The following MIX23 variants were observed in gnomAD, a reference collection of about 807,000 sequenced individuals.
MIX23 encodes the protein protein MIX23.
In MIX23, 13 loss-of-function variants were observed where a neutral mutation model predicts 21.6. The observed-to-expected ratio is 0.60, with a 90% confidence interval of 0.39 to 0.96. The LOEUF (loss-of-function observed/expected upper bound fraction) is 0.96, where lower values mean the gene tolerates loss of function less well. MIX23 is among the 40% of genes least tolerant of loss of function. MIX23 has a pLI of 0.00. For missense variants in MIX23, 144 were observed against 171.2 expected (o/e 0.84, Z 0.89); for synonymous variants, 59 against 58.0 (o/e 1.02, Z -0.08).
intron 4 of MIX23, among the ~76,000 whole-genome samples, chr3:122,361,596 G>A (rs2075359350): frequency 6.6e-6 from 1 of 151,996 alleles, no homozygotes; most frequent in Admixed American, 6.5e-5. Context: ...ATTCAAAATA[G>A]TTCACTCTTC....
chr3:122,376,118 G>A (rs368712934), intron 1 of MIX23, among the ~76,000 whole-genome samples: 16 of 138,812 alleles, frequency 1.2e-4, no homozygotes, highest in East Asian at 2.3e-4. Flanking sequence ...AGCCGAGATC[G>A]TGCCACTGCA....
rs1406195716 is a variant in MIX23 at position 122,359,903 on chromosome 3, C to G, written c.401G>C (p.Cys134Ser). The G allele has an allele frequency of 5.8e-6, 9 of 1,554,790 alleles. No homozygotes were observed. Among genetic ancestry groups the G allele is most frequent in the Non-Finnish European group, 6.1e-6 (7 of 1,156,124 alleles). ...CTTTGGAGGCTTGAAGTGAATTCGG[C>G]AGCGTTCATTAAACACCTAAAATAT... ...DRSWKVFNER[C>S]RIHFKPPKNE The change falls in exon 5 of 5, where the codon TGC (cysteine) becomes TCC (serine). Residue 134 changes from cysteine (C) to serine (S), a missense_variant. By Grantham distance (112) the Cys-to-Ser change is moderately radical. Coordinates refer to ENST00000291458, the MANE Select transcript of MIX23 (RefSeq NM_001017928.4).
chr3:122,370,123 A>G (rs956701031), intron 2 of MIX23, among the ~76,000 whole-genome samples: 1 of 152,094 alleles, frequency 6.6e-6, no homozygotes, highest in Non-Finnish European at 1.5e-5. Flanking sequence ...TCTATGAACT[A>G]GGTACCATTA....
At chr3:122,373,657 T>C (rs73186098) in intron 1 of MIX23, among the ~76,000 whole-genome samples, 1,595 of 152,324 alleles carry the variant, frequency 0.01, 16 homozygotes, top group Non-Finnish European at 0.016. Flanking sequence ...TTAACAAACA[T>C]TTAGGTTGTT....
chr3:122,362,817 CA>C, intron 4 of MIX23, 150 bp downstream of exon 4: 1 of 287,168 alleles, frequency 3.5e-6, no homozygotes, highest in Admixed American at 4.1e-5. Context: ...CCCCCAACCC[CA>C]AAAGGTTACA....
At chr3:122,379,736 G>A (rs78636482) in intron 1 of MIX23, among the ~76,000 whole-genome samples, 78 of 152,324 alleles carry the variant, frequency 5.1e-4, no homozygotes, top group Admixed American at 2.7e-3. Flanking sequence ...TCTGAAGGCT[G>A]CATCTTGTGT....
At position 122,362,985 on chromosome 3, in the gene MIX23, T is replaced by C; in HGVS notation, c.367A>G (p.Asn123Asp). Residue 123 changes from asparagine to aspartate, a missense_variant, in exon 4 of 5, where the codon AAT (asparagine) becomes GAT (aspartate). By Grantham distance (23) the Asn-to-Asp change is conservative. Transcript: ENST00000291458. ...TTTTATACCTTCCAGCTCCTGTCAT[T>C]TACCACTTCTTCAACATTCAGTTCT... The part of the protein sequence containing the change: ...QSELNVEEVV[N>D]DRSWKVFNER... 2 of 1,613,562 alleles carry C rather than the reference T, an allele frequency of 1.2e-6. No individual in the cohort carries two copies. Among genetic ancestry groups the C allele is most frequent in the Non-Finnish European group, 1.7e-6 (2 of 1,179,688 alleles).
chr3:122,375,887 C>G (rs187901089), intron 1 of MIX23, among the ~76,000 whole-genome samples: 25 of 152,118 alleles, frequency 1.6e-4, no homozygotes, highest in Admixed American at 1.6e-3. Flanking sequence ...AAAAACACAC[C>G]TAGAGGATGG....
intron 3 of MIX23, among the ~76,000 whole-genome samples, chr3:122,364,098 C>G (rs766674821): frequency 6.6e-6 from 1 of 152,178 alleles, no homozygotes; most frequent in Non-Finnish European, 1.5e-5. Flanking sequence ...GGCCAAAGAC[C>G]CTGGCCAACC....
intron 4 of MIX23, among the ~76,000 whole-genome samples, chr3:122,360,802 C>G (rs1576227918): frequency 1.1e-4 from 16 of 151,980 alleles, no homozygotes; most frequent in Admixed American, 1.0e-3. Context: ...AAAGAAAAAT[C>G]TAAACACAGA....
chr3:122,368,375 AT>A, intron 2 of MIX23, 53 bp from the exon 3 acceptor site: 1 of 1,496,072 alleles, frequency 6.7e-7, no homozygotes, highest in Non-Finnish European at 8.9e-7. Flanking sequence ...AATTTATCAC[AT>A]TTTAGTGTTT....
At chr3:122,371,911 G>A in intron 1 of MIX23, 111 bp from the exon 2 acceptor site, 2 of 925,892 alleles carry the variant, frequency 2.2e-6, no homozygotes, top group East Asian at 2.7e-5. Context: ...CTTTAAGTCA[G>A]GAGTGAGGAA....
chr3:122,372,429 G>A (rs1252894334), intron 1 of MIX23, among the ~76,000 whole-genome samples: 3 of 148,758 alleles, frequency 2.0e-5, no homozygotes, highest in Admixed American at 6.6e-5. Context: ...GTTTCTGGCA[G>A]TATATCTTTC....
intron 4 of MIX23, among the ~76,000 whole-genome samples, chr3:122,360,972 T>A (rs2075354120): frequency 6.6e-6 from 1 of 152,068 alleles, no homozygotes; most frequent in Non-Finnish European, 1.5e-5. Flanking sequence ...GCCTCCCGAG[T>A]AGCTGGGACT....
rs182142624 is a variant in MIX23 at position 122,373,225 on chromosome 3, C to A, written c.52-1425G>T. Among the ~76,000 whole-genome samples, 353 of 151,614 alleles carry A rather than the reference C, an allele frequency of 2.3e-3. 2 individuals are homozygous for A. The highest frequency in any genetic ancestry group is 8.3e-3 in the African/African-American group (342 of 41,352). Reference sequence around the variant, plus strand: ...TATGTAACATTTTAAAATCTGGCTTCAAGACATTATATTATGAGCATAATA... The same window carrying A: ...TATGTAACATTTTAAAATCTGGCTTAAAGACATTATATTATGAGCATAATA... On this transcript the variant is annotated intron_variant, in intron 1 of 4. Coordinates refer to ENST00000291458, the MANE Select transcript of MIX23 (RefSeq NM_001017928.4).
chr3:122,376,503 T>G (rs965001119), intron 1 of MIX23, among the ~76,000 whole-genome samples: 12 of 151,950 alleles, frequency 7.9e-5, no homozygotes, highest in African/African-American at 2.9e-4. Flanking sequence ...CCTGTAATCC[T>G]AACTATTTGG....
At chr3:122,375,498 G>A in intron 1 of MIX23, among the ~76,000 whole-genome samples, 1 of 152,128 alleles carries the variant, frequency 6.6e-6, no homozygotes, top group East Asian at 1.9e-4. Context: ...AAAATGATAT[G>A]GTATTTGGGA....
chr3:122,375,844 GTACTTACCCAAAGGA>G (rs746717802), intron 1 of MIX23, among the ~76,000 whole-genome samples: 7 of 152,012 alleles, frequency 4.6e-5, no homozygotes, highest in Non-Finnish European at 8.8e-5. Flanking sequence ...CCACTACTGG[GTACTTACCCAAAGGA>G]AAATAAATCA....
intron 3 of MIX23, among the ~76,000 whole-genome samples, chr3:122,365,893 C>T (rs1000533072): frequency 1.3e-5 from 2 of 151,908 alleles, no homozygotes; most frequent in Admixed American, 6.6e-5. Flanking sequence ...ATCTATATGC[C>T]GGCTGGACAC....
Sources: allele counts gnomAD v4.1 joint callset (sites outside exome capture counted in the v4.1 genomes callset), GRCh38; gene constraint gnomAD v4.1.1; transcripts MANE v1.5; gene names NCBI Gene and HGNC (gene_info 2026-07-23, HGNC 2026-07-21).